The following CUX1 variants were observed in gnomAD, a reference collection of about 807,000 sequenced individuals.
CUX1 encodes cut like homeobox 1, also known as protein CASP.
Under a neutral mutation model 158.8 loss-of-function variants are expected in CUX1, and 31 were observed. That is an observed-to-expected ratio of 0.20 (90% confidence interval 0.15 to 0.26). The LOEUF (loss-of-function observed/expected upper bound fraction) is 0.26, where lower values mean the gene tolerates loss of function less well. CUX1 is among the 10% of genes least tolerant of loss of function. The probability of loss-of-function intolerance (pLI) is 1.00; values close to 1 mark genes in which losing one functional copy is unlikely to be tolerated. For missense variants in CUX1, 1,589 were observed against 2,014.6 expected (o/e 0.79, Z 4.04); for synonymous variants, 879 against 862.1 (o/e 1.02, Z -0.34).
chr7:101,965,419 C>G (rs1275589990), intron 2 of CUX1, among the ~76,000 whole-genome samples: 7 of 152,158 alleles, frequency 4.6e-5, no homozygotes, highest in Non-Finnish European at 1.0e-4. Context: ...TCTCCTTCCA[C>G]CATCCTTGGT....
At chr7:102,093,330 C>T (rs1279297302) in intron 4 of CUX1, among the ~76,000 whole-genome samples, 2 of 152,012 alleles carry the variant, frequency 1.3e-5, no homozygotes, top group African/African-American at 4.8e-5. Flanking sequence ...GGACTACAGG[C>T]ATGCACCACC....
At chr7:102,180,829 C>CT (rs1554513767) in intron 11 of CUX1, among the ~76,000 whole-genome samples, 1 of 151,868 alleles carries the variant, frequency 6.6e-6, no homozygotes, top group East Asian at 1.9e-4. Context: ...GGAGACAGTC[C>CT]TGCCGACTTT....
At chr7:102,242,685 C>A (rs1800352116) in intron 23 of CUX1, among the ~76,000 whole-genome samples, 2 of 152,206 alleles carry the variant, frequency 1.3e-5, no homozygotes, top group Admixed American at 1.3e-4. Flanking sequence ...AAAGTATGTT[C>A]CCTGGCCCTG....
intron 20 of CUX1, among the ~76,000 whole-genome samples, chr7:102,221,022 C>A (rs964362882): frequency 6.6e-6 from 1 of 152,048 alleles, no homozygotes; most frequent in Non-Finnish European, 1.5e-5. Context: ...CCTGCTCATT[C>A]ACACTTAATG....
At chr7:101,827,279 TC>T in intron 1 of CUX1, among the ~76,000 whole-genome samples, 1 of 150,248 alleles carries the variant, frequency 6.7e-6, no homozygotes, top group South Asian at 2.1e-4. Flanking sequence ...TCTTCTCTTC[TC>T]TTCTCTTCTC....
chr7:101,843,965 A>G (rs1795424281), intron 1 of CUX1, among the ~76,000 whole-genome samples: 2 of 152,218 alleles, frequency 1.3e-5, no homozygotes, highest in Non-Finnish European at 2.9e-5. Flanking sequence ...ATTGGAAGTC[A>G]CACACTTAGT....
At chr7:102,168,864 G>C (rs1379393538) in intron 9 of CUX1, among the ~76,000 whole-genome samples, 1 of 151,118 alleles carries the variant, frequency 6.6e-6, no homozygotes, top group Non-Finnish European at 1.5e-5. Flanking sequence ...ACACACGATG[G>C]AGACGCTGCT....
At chr7:102,265,467 T>A (rs1554544870) in intron 14 of CUX1, among the ~76,000 whole-genome samples, 1 of 152,004 alleles carries the variant, frequency 6.6e-6, no homozygotes, top group East Asian at 1.9e-4. Context: ...AGACAGGGTC[T>A]CACTCTGTTG....
At chr7:102,146,404 C>T (rs782062235) in intron 8 of CUX1, among the ~76,000 whole-genome samples, 3 of 152,134 alleles carry the variant, frequency 2.0e-5, no homozygotes, top group Non-Finnish European at 4.4e-5. Context: ...AAAGTTGACC[C>T]CGCACGTGCC....
Position 101,890,589 on chromosome 7 carries a change from G to A in CUX1, c.31-25526G>A, listed in dbSNP as rs548732590. Among the ~76,000 whole-genome samples, 6 of 152,114 alleles carry A rather than the reference G, an allele frequency of 3.9e-5. 1 individual carries two copies. Among genetic ancestry groups the A allele is most frequent in the Admixed American group, 2.0e-4 (3 of 15,262 alleles). ...CGCCTTACATTTTTTTTAAGCTGCT[G>A]GTTTTGCGGGTCAGTACGGGGAAAA... On this transcript the variant is annotated intron_variant, in intron 1 of 23. Transcript: ENST00000292535.
At chr7:102,052,473 C>G (rs1385127143) in intron 3 of CUX1, among the ~76,000 whole-genome samples, 1 of 152,142 alleles carries the variant, frequency 6.6e-6, no homozygotes, top group Non-Finnish European at 1.5e-5. Flanking sequence ...TGCTTTCATT[C>G]TTTTTATGGC....
chr7:102,090,879 A>G (rs1828515631), intron 4 of CUX1, among the ~76,000 whole-genome samples: 1 of 152,218 alleles, frequency 6.6e-6, no homozygotes. Context: ...GCACCATGAC[A>G]TATGCACAGT....
chr7:101,870,155 T>TTTG (rs1562949355), intron 1 of CUX1, among the ~76,000 whole-genome samples: 2 of 148,016 alleles, frequency 1.4e-5, no homozygotes, highest in East Asian at 2.0e-4. Context: ...TTTTTTTTGT[T>TTTG]TTTTTTTTTT....
At chr7:102,155,207 A>G (rs1836134052) in intron 8 of CUX1, among the ~76,000 whole-genome samples, 1 of 152,064 alleles carries the variant, frequency 6.6e-6, no homozygotes, top group South Asian at 2.1e-4. Flanking sequence ...GACATTGGAA[A>G]TACACGATAG....
At position 102,201,803 on chromosome 7, in the gene CUX1, G is replaced by A. The variant is rs782584302; in HGVS notation, c.2506G>A (p.Ala836Thr). The part of the protein sequence containing the change: ...SAVQPERRNA[A>T]SSEEAKAEET... ...GGTGCAGCCGGAGAGAAGAAATGCC[G>A]CCTCCTCCGAGGAGGCCAAGGCCGA... The change falls in exon 18 of 24, where the codon GCC becomes ACC. Residue 836 changes from alanine to threonine, a missense_variant. Ala to Thr is a moderately conservative substitution (Grantham distance 58, BLOSUM62 0). Coordinates refer to ENST00000292535, the MANE Select transcript of CUX1 (RefSeq NM_181552.4). The surrounding 1 kb of genome is among the most constrained non-coding windows in gnomAD (Gnocchi z 5.0). The A allele has an allele frequency of 1.9e-5, 30 of 1,612,710 alleles. No homozygotes were observed. The highest frequency in any genetic ancestry group is 4.4e-5 in the South Asian group (4 of 91,082).
At chr7:102,025,290 G>GGA (rs1585319064) in intron 2 of CUX1, among the ~76,000 whole-genome samples, 1 of 152,102 alleles carries the variant, frequency 6.6e-6, no homozygotes, top group Non-Finnish European at 1.5e-5. Flanking sequence ...TATCTCTGGC[G>GGA]GACTATTATT....
At chr7:102,258,386 GCA>G (rs1285043508), downstream of CUX1, among the ~76,000 whole-genome samples, 1 of 152,104 alleles carries the variant, frequency 6.6e-6, no homozygotes, top group African/African-American at 2.4e-5. Context: ...TGGCTTCCGG[GCA>G]CACAGAAAAC....
At position 102,196,729 on chromosome 7, in the gene CUX1, G is replaced by A; in HGVS notation, c.1318G>A (p.Glu440Lys). 6.2e-7 allele frequency: 1 copy of A among 1,612,778 alleles called. No homozygotes were observed. ...TTCTCAGTTGCCCCGCAACCCGGGGGAGCAGGCTTCCAATACTAATGGTAC... is the reference window on the plus strand; with the variant it reads ...TTCTCAGTTGCCCCGCAACCCGGGGAAGCAGGCTTCCAATACTAATGGTAC... ...PPSQLPRNPG[E>K]QASNTNGTHQ... is the part of the protein sequence containing the mutation. Residue 440 changes from glutamate (E) to lysine (K), a missense_variant, in exon 15 of 24, where the codon GAG becomes AAG. By Grantham distance (56) the Glu-to-Lys change is moderately conservative. Around this residue, in one of 8 missense-constraint regions of CUX1, gnomAD observed 515 missense variants for 574.4 expected, o/e 0.90. Coordinates refer to ENST00000292535, the MANE Select transcript of CUX1 (RefSeq NM_181552.4).
At chr7:101,919,283 T>G (rs1298831229) in intron 2 of CUX1, among the ~76,000 whole-genome samples, 1 of 152,158 alleles carries the variant, frequency 6.6e-6, no homozygotes, top group African/African-American at 2.4e-5. Flanking sequence ...GCCTGGCCTG[T>G]GTCCCAAGGG....
Sources: allele counts gnomAD v4.1 joint callset (sites outside exome capture counted in the v4.1 genomes callset), GRCh38; gene constraint gnomAD v4.1.1; regional missense constraint gnomAD v4.1.1; non-coding constraint Gnocchi (gnomAD v3.1); transcripts MANE v1.5; gene names NCBI Gene and HGNC (gene_info 2026-07-23, HGNC 2026-07-21).